Variants in LAIR1 observed in about 807,000 individuals in gnomAD.
LAIR1 encodes the protein leukocyte-associated immunoglobulin-like receptor 1.
LAIR1 carries 24 observed loss-of-function variants against 32.8 expected under a neutral mutation model. That is an observed-to-expected ratio of 0.73 (90% CI 0.53 to 1.03). The LOEUF (loss-of-function observed/expected upper bound fraction) is 1.03, where lower values mean the gene tolerates loss of function less well. Ranked by LOEUF, LAIR1 falls within the 50% of genes least tolerant of loss-of-function variation. The pLI is 0.00. For synonymous variants in LAIR1, 150 were observed against 140.5 expected, an observed-to-expected ratio of 1.07 and a Z score of -0.48; for missense variants, 355 against 347.5, an observed-to-expected ratio of 1.02 and a Z score of -0.17.
chr19:54,370,082 C>A (rs1410499580), intron 1 of LAIR1, among the ~76,000 whole-genome samples: 1 of 147,800 alleles, frequency 6.8e-6, no homozygotes, highest in Non-Finnish European at 1.5e-5. Flanking sequence ...TCTACAGAAT[C>A]TGAGTCTAGA....
chr19:54,357,144 A>C (rs2081759825), intron 4 of LAIR1, 178 bp from the exon 5 acceptor site: 1 of 600,166 alleles, frequency 1.7e-6, no homozygotes, highest in Non-Finnish European at 3.0e-6. Flanking sequence ...TTCTACATCT[A>C]CTGTCCAGCA....
In LAIR1 at chr19:54,355,890, A is replaced by C; in HGVS notation, c.717+64T>G. The C allele has an allele frequency of 8.8e-7, 1 of 1,142,760 alleles. No individual in the cohort carries two copies. The highest frequency in any genetic ancestry group is 1.3e-6 in the Non-Finnish European group (1 of 750,584). 70.8% of individuals were successfully genotyped at this position (1,142,760 alleles called of 1,614,324 possible). A position where few individuals can be genotyped will look rare whatever the true frequency, so the allele number is the denominator to read the frequency against. On this transcript the variant is annotated intron_variant, in intron 9 of 9. Transcript: ENST00000391742. This position sits in a 1 kb window ranked among gnomAD's most constrained non-coding sequence, Gnocchi z 4.7. ...GAGCCACTCCTGAATTCCTAACCCA[A>C]GGAACTGAGATTTTTTTAAGCTGCT...
In LAIR1 at chr19:54,355,404, G is replaced by T. The variant is rs776252557; in HGVS notation, c.728C>A (p.Ala243Glu). Residue 243 changes from alanine (A) to glutamate (E), a missense_variant, in exon 10 of 10, where the codon GCA becomes GAA. Ala to Glu is a moderately radical substitution (Grantham distance 107). Transcript: ENST00000391742. The surrounding 1 kb of genome is among the most constrained non-coding windows in gnomAD (Gnocchi z 4.7). ...DRETDTSALA[A>E]GSSQEVTYAQ... ...ATACGTCACCTCCTGGGAACTCCCT[G>T]CAGCCAGGGCCTAAGAGGGAGAGAC... 1 of 1,605,950 alleles carries T rather than the reference G, an allele frequency of 6.2e-7. No homozygotes were observed. The highest frequency in any genetic ancestry group is 8.5e-7 in the Non-Finnish European group (1 of 1,175,810).
At chr19:54,366,655 A>G (rs569570624), upstream of LAIR1, among the ~76,000 whole-genome samples, 278 of 152,060 alleles carry the variant, frequency 1.8e-3, 2 homozygotes, top group African/African-American at 4.1e-3. Context: ...CGCCCGGCTA[A>G]TTTTTTGTAT....
intron 2 of LAIR1, 144 bp from the exon 3 acceptor site, chr19:54,361,353 C>T (rs2082014378): frequency 5.8e-6 from 5 of 867,552 alleles, no homozygotes; most frequent in South Asian, 3.1e-5. Flanking sequence ...TAGAACATTC[C>T]CACGCCTCCT....
chr19:54,359,044 C>T (rs1400409323), intron 4 of LAIR1, among the ~76,000 whole-genome samples: 1 of 149,692 alleles, frequency 6.7e-6, no homozygotes, highest in Admixed American at 6.6e-5. Context: ...CTGCGGGACT[C>T]AGGAGCATGT....
chr19:54,356,683 C>A, intron 5 of LAIR1, 64 bp from the exon 6 acceptor site: 1 of 1,507,894 alleles, frequency 6.6e-7, no homozygotes, highest in South Asian at 1.1e-5. Flanking sequence ...GTATACCACA[C>A]ACACGTCACG....
At chr19:54,356,786 G>T in intron 5 of LAIR1, 142 bp downstream of exon 5, 1 of 1,205,944 alleles carries the variant, frequency 8.3e-7, no homozygotes, top group Non-Finnish European at 1.2e-6. Flanking sequence ...CACCACCGGG[G>T]TCCTGAGTGC....
At chr19:54,373,682 C>G (rs2082457649), upstream of LAIR1, among the ~76,000 whole-genome samples, 1 of 152,102 alleles carries the variant, frequency 6.6e-6, no homozygotes, top group Non-Finnish European at 1.5e-5. Flanking sequence ...GTAATCCCAG[C>G]TCGAACCAGG....
intron 7 of LAIR1, 33 bp downstream of exon 7, chr19:54,356,323 T>G: frequency 6.2e-7 from 1 of 1,603,328 alleles, no homozygotes; most frequent in Non-Finnish European, 8.5e-7. Flanking sequence ...GAGGACTGGG[T>G]GGAGGTCCAG....
chr19:54,360,899 C>T lies in LAIR1; in HGVS notation c.364+17G>A. 6.2e-7 allele frequency: 1 copy of T among 1,603,632 alleles called. No homozygotes were observed. The highest frequency in any genetic ancestry group is 8.5e-7 in the Non-Finnish European group (1 of 1,173,382). ...GGTCGAGCTGAGACTGGGGCAGGGCCCAGGTGACGTCCTCACCTTTCACCA... is the reference window on the plus strand; with the variant it reads ...GGTCGAGCTGAGACTGGGGCAGGGCTCAGGTGACGTCCTCACCTTTCACCA... On this transcript the variant is annotated intron_variant, in intron 3 of 9. Coordinates refer to ENST00000391742, the MANE Select transcript of LAIR1 (RefSeq NM_002287.6).
rs2082164397 is a variant in LAIR1 at position 54,364,399 on chromosome 19, G to A, written c.35-69C>T. 11 of 1,601,532 alleles carry A rather than the reference G, an allele frequency of 6.9e-6. No homozygotes were observed. In the South Asian group the frequency reaches 7.7e-5, roughly 11 times the overall value. ...TCCTTACGGGGCTGCTGTCAAAAGG[G>A]GGCTCGATGGAGCTGGGGGGCATTC... On this transcript the variant is annotated intron_variant, in intron 1 of 9. Coordinates refer to ENST00000391742, the MANE Select transcript of LAIR1 (RefSeq NM_002287.6). This position sits in a 1 kb window ranked among gnomAD's most constrained non-coding sequence, Gnocchi z 4.8.
At chr19:54,368,942 A>C (rs2082337228), upstream of LAIR1, among the ~76,000 whole-genome samples, 1 of 151,186 alleles carries the variant, frequency 6.6e-6, no homozygotes, top group Non-Finnish European at 1.5e-5. Context: ...CCACCTTGGC[A>C]TCCCAAAGTG....
At chr19:54,356,779 C>T in intron 5 of LAIR1, 149 bp downstream of exon 5, 1 of 1,183,780 alleles carries the variant, frequency 8.4e-7, no homozygotes. Context: ...CTTCTTCCAC[C>T]ACCGGGGTCC....
chr19:54,376,074 G>A, the LAIR1 span, among the ~76,000 whole-genome samples: 1 of 151,606 alleles, frequency 6.6e-6, no homozygotes, highest in South Asian at 2.1e-4. Context: ...CCAGTGAGGG[G>A]AAAGAGGAAG....
At chr19:54,361,287 A>C in intron 2 of LAIR1, 78 bp from the exon 3 acceptor site, 1 of 1,497,614 alleles carries the variant, frequency 6.7e-7, no homozygotes, top group South Asian at 1.2e-5. Flanking sequence ...TAGCATCACA[A>C]TTCAGGGATT....
upstream of LAIR1, among the ~76,000 whole-genome samples, chr19:54,367,786 G>A (rs1321026897): frequency 5.8e-4 from 73 of 125,906 alleles, no homozygotes; most frequent in Admixed American, 1.3e-3. Flanking sequence ...TTTTTTTTGA[G>A]ACAGAGTCTC....
At chr19:54,367,294 G>A (rs1445084053), upstream of LAIR1, among the ~76,000 whole-genome samples, 1 of 152,078 alleles carries the variant, frequency 6.6e-6, no homozygotes, top group African/African-American at 2.4e-5. Context: ...GGACAGACAG[G>A]GGAATTCAAG....
chr19:54,364,801 A>T lies in LAIR1; in HGVS notation c.4T>A (p.Ser2Thr). Residue 2 changes from serine to threonine, a missense_variant, in exon 1 of 10, where the codon TCT (serine) becomes ACT (threonine). Transcript: ENST00000391742. The surrounding 1 kb of genome is among the most constrained non-coding windows in gnomAD (Gnocchi z 4.8). ...CCCAGGAGGGCGGTGGGGTGGGGAG[A>T]CATGGCCCAGGTCCCAGCAGTGCAG... Reference protein sequence around the residue: MSPHPTALLGLV... With the variant: MTPHPTALLGLV... 1.2e-6 allele frequency: 2 copies of T among 1,614,008 alleles called. No individual in the cohort carries two copies. The highest frequency in any genetic ancestry group is 1.7e-6 in the Non-Finnish European group (2 of 1,179,940).
Sources: gnomAD v4.1 joint callset for allele counts (sites outside exome capture counted in the v4.1 genomes callset) on GRCh38, gnomAD v4.1.1 for gene constraint, Gnocchi (gnomAD v3.1) non-coding constraint, MANE v1.5 for transcripts, NCBI Gene and HGNC (gene_info 2026-07-23, HGNC 2026-07-21) for gene names.